The following PLEKHA5 variants were observed in gnomAD, a reference collection of about 807,000 sequenced individuals.
The protein encoded by PLEKHA5 is pleckstrin homology domain containing A5, also known as pleckstrin homology domain-containing family A member 5.
Under a neutral mutation model 181.9 loss-of-function variants are expected in PLEKHA5, and 55 were observed. That is an observed-to-expected ratio of 0.30 (90% CI 0.24 to 0.38). The LOEUF is 0.38. Among genes scored for constraint, PLEKHA5 ranks in the 10% least tolerant of loss-of-function variants. The pLI, the probability that PLEKHA5 is intolerant of heterozygous loss-of-function variation, is 1.00. For synonymous variants in PLEKHA5, 535 were observed against 529.4 expected (o/e 1.01, Z -0.15); for missense variants, 1,432 against 1,549.5 (o/e 0.92, Z 1.27).
At chr12:19,201,912 A>C (rs1472508536) in intron 3 of PLEKHA5, 1 of 242,364 alleles carries the variant, frequency 4.1e-6, no homozygotes, top group African/African-American at 2.3e-5. Flanking sequence ...AAATTCACTA[A>C]AAGTCACTGA....
intron 8 of PLEKHA5, among the ~76,000 whole-genome samples, chr12:19,266,133 C>G (rs1206882361): frequency 2.6e-5 from 4 of 151,918 alleles, no homozygotes; most frequent in Non-Finnish European, 5.9e-5. Context: ...TTATGGATGT[C>G]CTGGTGATTA....
chr12:19,311,180 C>G (rs1261206249), intron 15 of PLEKHA5, among the ~76,000 whole-genome samples: 1 of 150,474 alleles, frequency 6.6e-6, no homozygotes, highest in African/African-American at 2.5e-5. Flanking sequence ...ATGCCTGTCA[C>G]TTTGGAAGGA....
chr12:19,241,642 T>C (rs1197729705), intron 3 of PLEKHA5, among the ~76,000 whole-genome samples: 3 of 151,654 alleles, frequency 2.0e-5, no homozygotes, highest in African/African-American at 7.3e-5. Context: ...TGTAATCCCA[T>C]CTACTTGGGA....
chr12:19,297,817 G>T (rs1392823832), intron 15 of PLEKHA5, among the ~76,000 whole-genome samples: 1 of 151,228 alleles, frequency 6.6e-6, no homozygotes, highest in Non-Finnish European at 1.5e-5. Flanking sequence ...GTAGACTGGG[G>T]ATAGATTGTC....
chr12:19,244,747 A>C (rs993144178), intron 3 of PLEKHA5, among the ~76,000 whole-genome samples: 3 of 152,240 alleles, frequency 2.0e-5, no homozygotes, highest in African/African-American at 7.2e-5. Context: ...CGTTTTGCGC[A>C]GTAGATACAT....
chr12:19,177,146 G>A (rs2047494374), intron 3 of PLEKHA5, among the ~76,000 whole-genome samples: 1 of 152,148 alleles, frequency 6.6e-6, no homozygotes, highest in African/African-American at 2.4e-5. Context: ...AATTACAGGT[G>A]TGAGCCACCA....
chr12:19,170,661 G>A (rs571099981), intron 3 of PLEKHA5, among the ~76,000 whole-genome samples: 22 of 152,132 alleles, frequency 1.4e-4, no homozygotes, highest in African/African-American at 5.1e-4. Flanking sequence ...CTCGTGATCC[G>A]CCTGCCTTGG....
chr12:19,129,961 G>A, intron 1 of PLEKHA5, 73 bp downstream of exon 1: 3 of 1,470,650 alleles, frequency 2.0e-6, no homozygotes, highest in South Asian at 1.2e-5. Flanking sequence ...CGACACGGGG[G>A]AGAGCCCGGG....
At chr12:19,160,453 A>G (rs1441955635) in intron 3 of PLEKHA5, among the ~76,000 whole-genome samples, 2 of 152,152 alleles carry the variant, frequency 1.3e-5, no homozygotes, top group Non-Finnish European at 2.9e-5. Flanking sequence ...TTCTGAATAG[A>G]AAGGAATATG....
At chr12:19,173,186 G>C (rs956131003) in intron 3 of PLEKHA5, among the ~76,000 whole-genome samples, 5 of 147,462 alleles carry the variant, frequency 3.4e-5, no homozygotes, top group Admixed American at 1.4e-4. Context: ...ACCGCGCCCG[G>C]CTAATTTTTT....
Position 19,269,688 on chromosome 12 carries a change from T to G in PLEKHA5, c.712-82T>G, listed in dbSNP as rs190631409. On this transcript the variant is annotated intron_variant, in intron 8 of 31. Coordinates refer to ENST00000429027, the MANE Select transcript of PLEKHA5 (RefSeq NM_001256470.2). ...TGAAATTTGATAGCAACGTTCTATG[T>G]CAGGAATCACTTACCTTTTTTTCTT... The G allele has an allele frequency of 6.3e-6, 4 of 639,270 alleles. No individual in the cohort carries two copies. In the East Asian group the frequency reaches 1.1e-4, roughly 18 times the overall value. The allele number at this position is 639,270 out of a possible 1,614,324, so 39.6% of individuals were successfully genotyped here.
intron 3 of PLEKHA5, among the ~76,000 whole-genome samples, chr12:19,250,442 G>T (rs1565518595): frequency 1.3e-5 from 2 of 152,046 alleles, no homozygotes; most frequent in African/African-American, 2.4e-5. Context: ...AATTAGCCAG[G>T]CGTCGTGGTG....
At chr12:19,298,571 G>A (rs1264088088) in intron 15 of PLEKHA5, among the ~76,000 whole-genome samples, 1 of 151,426 alleles carries the variant, frequency 6.6e-6, no homozygotes, top group African/African-American at 2.4e-5. Flanking sequence ...GTTTCACCAT[G>A]TTGGCCAGGC....
chr12:19,196,856 G>T (rs145686809), intron 3 of PLEKHA5, among the ~76,000 whole-genome samples: 1,463 of 129,568 alleles, frequency 0.011, 17 homozygotes, highest in African/African-American at 0.039. Flanking sequence ...TCTTTTCATG[G>T]TTTATAATTG....
At chr12:19,358,188 T>G in intron 26 of PLEKHA5, 40 bp from the exon 27 acceptor site, 1 of 1,355,140 alleles carries the variant, frequency 7.4e-7, no homozygotes, top group Non-Finnish European at 1.0e-6. Flanking sequence ...TTTTCAGAAG[T>G]TTTCATTTAT....
chr12:19,216,906 T>C (rs1278828418), intron 3 of PLEKHA5, among the ~76,000 whole-genome samples: 1 of 152,234 alleles, frequency 6.6e-6, no homozygotes, highest in Non-Finnish European at 1.5e-5. Context: ...CTAATCCTTC[T>C]TTCCTTGACT....
At chr12:19,289,336 T>C (rs1262917048) in intron 13 of PLEKHA5, among the ~76,000 whole-genome samples, 1 of 152,382 alleles carries the variant, frequency 6.6e-6, no homozygotes, top group East Asian at 1.9e-4. Flanking sequence ...TTTTGGATAA[T>C]GGTTAAAAAT....
At chr12:19,246,512 A>G (rs1022063838) in intron 3 of PLEKHA5, among the ~76,000 whole-genome samples, 1 of 151,040 alleles carries the variant, frequency 6.6e-6, no homozygotes, top group African/African-American at 2.4e-5. Flanking sequence ...AATCCCAGCT[A>G]CTTGGGAGGC....
At chr12:19,358,558 T>G in intron 27 of PLEKHA5, 121 bp downstream of exon 27, 2 of 631,224 alleles carry the variant, frequency 3.2e-6, no homozygotes, top group Non-Finnish European at 5.5e-6. Context: ...TTTTATATTA[T>G]TTAATTCTCC....
Sources: allele counts gnomAD v4.1 joint callset (sites outside exome capture counted in the v4.1 genomes callset), GRCh38; gene constraint gnomAD v4.1.1; transcripts MANE v1.5; gene names NCBI Gene and HGNC (gene_info 2026-07-23, HGNC 2026-07-21).